The following ANKRD36B variants were observed in gnomAD, a reference collection of about 807,000 sequenced individuals.
The protein encoded by ANKRD36B is ankyrin repeat domain 36B.
Under a neutral mutation model 135.7 loss-of-function variants are expected in ANKRD36B, and 37 were observed. That is an observed-to-expected ratio of 0.27 (90% CI 0.21 to 0.36). The LOEUF is 0.36. Among genes scored for constraint, ANKRD36B ranks in the 10% least tolerant of loss-of-function variants. The pLI is 1.00. For synonymous variants in ANKRD36B, 179 were observed against 348.1 expected (o/e 0.51, Z 5.41); for missense variants, 549 against 1,037.1 (o/e 0.53, Z 6.46).
At chr2:97,547,991 A>G (rs538715513) in intron 20 of ANKRD36B, among the ~76,000 whole-genome samples, 3 of 151,940 alleles carry the variant, frequency 2.0e-5, no homozygotes, top group African/African-American at 4.8e-5. Flanking sequence ...AACCGTGTCA[A>G]TATCAACGTG....
At position 97,549,586 on chromosome 2, in the gene ANKRD36B, C is replaced by T; in HGVS notation, c.1404G>A (p.Lys468=). The part of the protein sequence containing the change: ...TVSSQKPPAL[K]ATSVKEDSVL... ...ACAATATAAATGAGAGTTTCATTAC[C>T]TTCAAGGCTGGTGGTTTCTGAGAAG... The change falls in exon 19 of 44, where the codon AAG becomes AAA. Residue 468 remains lysine, a splice_region_variant and synonymous_variant. Coordinates refer to ENST00000359901, the MANE Select transcript of ANKRD36B (RefSeq NM_001393939.1). The T allele has an allele frequency of 6.2e-7, 1 of 1,608,838 alleles. No homozygotes were observed. Among genetic ancestry groups the T allele is most frequent in the Non-Finnish European group, 8.5e-7 (1 of 1,177,960 alleles).
At chr2:97,546,446 C>T (rs1338094614) in intron 22 of ANKRD36B, among the ~76,000 whole-genome samples, 3 of 151,604 alleles carry the variant, frequency 2.0e-5, no homozygotes, top group African/African-American at 2.4e-5. Context: ...CTCACACGCA[C>T]GTGGTGCAAT....
At chr2:97,566,723 G>A (rs2081463076) in intron 6 of ANKRD36B, among the ~76,000 whole-genome samples, 1 of 152,092 alleles carries the variant, frequency 6.6e-6, no homozygotes, top group Admixed American at 6.6e-5. Context: ...TGAACCAGGT[G>A]CAGCTAGAAC....
chr2:97,547,212 T>A (rs1484708565), intron 22 of ANKRD36B: 7 of 286,406 alleles, frequency 2.4e-5, no homozygotes, highest in Non-Finnish European at 4.7e-5. Flanking sequence ...CTATACTTCC[T>A]CTCTTTCTCC....
intron 3 of ANKRD36B, 74 bp downstream of exon 3, chr2:97,584,870 T>C (rs2082871001): frequency 3.1e-6 from 2 of 639,636 alleles, no homozygotes; most frequent in Non-Finnish European, 2.7e-6. Flanking sequence ...ATATGAAAAA[T>C]TGACCCTTAC....
At chr2:97,539,951 AC>A in intron 30 of ANKRD36B, 82 bp downstream of exon 30, 15 of 623,328 alleles carry the variant, frequency 2.4e-5, no homozygotes, top group Admixed American at 3.0e-5. Context: ...GCTGCGACGA[AC>A]CCCCCCGCTG....
intron 6 of ANKRD36B, among the ~76,000 whole-genome samples, chr2:97,570,337 A>G (rs1416846225): frequency 6.6e-6 from 1 of 152,238 alleles, no homozygotes; most frequent in Non-Finnish European, 1.5e-5. Context: ...TATAACAGTC[A>G]TAAGACTGTC....
chr2:97,579,600 A>C (rs1445961048), intron 4 of ANKRD36B, among the ~76,000 whole-genome samples: 2 of 139,208 alleles, frequency 1.4e-5, no homozygotes, highest in Non-Finnish European at 3.1e-5. Context: ...ATATATATAA[A>C]ATATATATAG....
At chr2:97,550,736 C>G (rs1329950534) in intron 18 of ANKRD36B, among the ~76,000 whole-genome samples, 17 of 149,810 alleles carry the variant, frequency 1.1e-4, no homozygotes, top group Non-Finnish European at 1.5e-4. Flanking sequence ...TGAAAATGTT[C>G]CAAATGCATC....
At chr2:97,530,351 T>C (rs1483303516) in intron 35 of ANKRD36B, among the ~76,000 whole-genome samples, 1 of 94,172 alleles carries the variant, frequency 1.1e-5, no homozygotes. Context: ...TGGCTAGCCA[T>C]ATGTAGAACG....
In ANKRD36B at chr2:97,589,760, A is replaced by C; in HGVS notation, c.-75T>G. The C allele has an allele frequency of 6.2e-7, 1 of 1,609,874 alleles. No homozygotes were observed. Among genetic ancestry groups the C allele is most frequent in the African/African-American group, 1.3e-5 (1 of 74,614 alleles). On this transcript the variant is annotated 5_prime_UTR_variant, in exon 1 of 44. Coordinates refer to ENST00000359901, the MANE Select transcript of ANKRD36B (RefSeq NM_001393939.1). The stretch of plus-strand genomic sequence containing the variant: ...AAATTGTAGCCTGCAGCCGTATTTC[A>C]GCTCGCCTTCGGGGATCGCCGCCTC...
rs1390674408 is a variant in ANKRD36B, at chr2:97,541,162, C to T, written c.1885+749G>A. On this transcript the variant is annotated intron_variant, in intron 28 of 43. Transcript: ENST00000359901. Reference sequence around the variant, plus strand: ...ACCCAAGAGTTAGCTCCTTGAACAACGAAGCCAATGTATTCATATTCAAGT... The same window carrying T: ...ACCCAAGAGTTAGCTCCTTGAACAATGAAGCCAATGTATTCATATTCAAGT... Among the ~76,000 whole-genome samples, 84 of 96,338 alleles carry T rather than the reference C, an allele frequency of 8.7e-4. 21 individuals carry two copies. The highest frequency in any genetic ancestry group is 2.4e-3 in the African/African-American group (76 of 32,340). 63.2% of individuals were successfully genotyped at this position (96,338 alleles called of 152,430 possible).
In ANKRD36B at chr2:97,545,649, T is replaced by A. The variant is rs1314349245; in HGVS notation, c.1681+17A>T. The A allele has an allele frequency of 2.1e-6, 2 of 960,572 alleles. No homozygotes were observed. Among genetic ancestry groups the A allele is most frequent in the South Asian group, 2.4e-5 (2 of 81,728 alleles). 59.5% of individuals were successfully genotyped at this position (960,572 alleles called of 1,614,324 possible). On this transcript the variant is annotated intron_variant, in intron 24 of 43. Transcript: ENST00000359901. Reference sequence around the variant, plus strand: ...TATCTTGAACGAACATCATATTAAATGTGTTTGCAAAATTACCTGTCCCAG... The same window carrying A: ...TATCTTGAACGAACATCATATTAAAAGTGTTTGCAAAATTACCTGTCCCAG...
intron 6 of ANKRD36B, among the ~76,000 whole-genome samples, chr2:97,565,292 T>C (rs2122174): frequency 0.75 from 113,835 of 150,880 alleles, 44,402 homozygotes; most frequent in African/African-American, 0.9. Flanking sequence ...AATATACAAT[T>C]ATGTCATCTG....
At chr2:97,557,330 T>C (rs530479250) in intron 10 of ANKRD36B, among the ~76,000 whole-genome samples, 198 bp from the exon 11 acceptor site, 4 of 151,854 alleles carry the variant, frequency 2.6e-5, no homozygotes, top group South Asian at 2.1e-4. Flanking sequence ...CCAGAAAATA[T>C]ACAGTCAGAA....
chr2:97,581,998 G>C (rs1450294617), intron 3 of ANKRD36B, among the ~76,000 whole-genome samples: 2 of 150,268 alleles, frequency 1.3e-5, no homozygotes, highest in African/African-American at 4.9e-5. Flanking sequence ...GTAGTAGAGA[G>C]GGGGTTTCAC....
chr2:97,570,128 T>C (rs1577057518), intron 6 of ANKRD36B, among the ~76,000 whole-genome samples: 1 of 152,316 alleles, frequency 6.6e-6, no homozygotes, highest in East Asian at 1.9e-4. Flanking sequence ...GTAACTTCTG[T>C]ACAGAGACCT....
At chr2:97,561,618 T>C (rs2081032635) in intron 6 of ANKRD36B, among the ~76,000 whole-genome samples, 1 of 151,942 alleles carries the variant, frequency 6.6e-6, no homozygotes, top group Non-Finnish European at 1.5e-5. Flanking sequence ...TAGATATGAA[T>C]AAGCTTTTAC....
rs566921562 is a variant in ANKRD36B at position 97,529,098 on chromosome 2, C to A, written c.2265+3213G>T. ...TACCAAAGCTGGGCAGAGACACAAC[C>A]AAAAAAGAGAATTTTAGACCAATAT... On this transcript the variant is annotated intron_variant, in intron 35 of 43. Transcript: ENST00000359901. Among the ~76,000 whole-genome samples the A allele has an allele frequency of 2.1e-5, 2 of 95,548 alleles. 1 individual carries two copies. Among genetic ancestry groups the A allele is most frequent in the African/African-American group, 6.3e-5 (2 of 31,732 alleles). The allele number at this position is 95,548 out of a possible 152,430, so 62.7% of individuals were successfully genotyped here. A position where few individuals can be genotyped will look rare whatever the true frequency, so the allele number is the denominator to read the frequency against.
Sources: gnomAD v4.1 joint callset for allele counts (sites outside exome capture counted in the v4.1 genomes callset) on GRCh38, gnomAD v4.1.1 for gene constraint, MANE v1.5 for transcripts, NCBI Gene and HGNC (gene_info 2026-07-23, HGNC 2026-07-21) for gene names.